Variants in STK32B observed in about 807,000 individuals in gnomAD.
The protein encoded by STK32B is serine/threonine kinase 32B.
In STK32B, 43 loss-of-function variants were observed where a neutral mutation model predicts 52.6. That is an observed-to-expected ratio of 0.82 (90% CI 0.64 to 1.05). The LOEUF (loss-of-function observed/expected upper bound fraction) is 1.05. Ranked by LOEUF, STK32B falls within the 50% of genes least tolerant of loss-of-function variation. STK32B has a pLI of 0.00. For missense variants in STK32B, 621 were observed against 534.6 expected (o/e 1.16, Z -1.59); for synonymous variants, 238 against 204.3 (o/e 1.17, Z -1.41).
At chr4:5,347,905 C>A (rs1733573546) in intron 4 of STK32B, among the ~76,000 whole-genome samples, 1 of 152,134 alleles carries the variant, frequency 6.6e-6, no homozygotes, top group Non-Finnish European at 1.5e-5. Context: ...TCAATTAAGC[C>A]TCTTTTCTTA....
chr4:5,180,794 G>T (rs1302188521), intron 3 of STK32B, among the ~76,000 whole-genome samples: 1 of 152,168 alleles, frequency 6.6e-6, no homozygotes, highest in Non-Finnish European at 1.5e-5. Flanking sequence ...ACTGGTAGAG[G>T]CAAAGGCCTG....
intron 3 of STK32B, among the ~76,000 whole-genome samples, chr4:5,216,200 A>G (rs1367057464): frequency 2.0e-5 from 3 of 152,150 alleles, no homozygotes; most frequent in African/African-American, 7.2e-5. Context: ...GTTTGGAACT[A>G]GCGGACTTGC....
chr4:5,361,349 T>C (rs1160677860), intron 4 of STK32B, among the ~76,000 whole-genome samples: 1 of 152,234 alleles, frequency 6.6e-6, no homozygotes, highest in Non-Finnish European at 1.5e-5. Flanking sequence ...GTGGAATTGC[T>C]GGATCATATA....
At chr4:5,484,573 A>G (rs1186637457) in intron 11 of STK32B, among the ~76,000 whole-genome samples, 1 of 152,130 alleles carries the variant, frequency 6.6e-6, no homozygotes, top group Non-Finnish European at 1.5e-5. Flanking sequence ...TAATTGGAGC[A>G]TTTAGCCCAT....
intron 3 of STK32B, among the ~76,000 whole-genome samples, chr4:5,319,252 C>T (rs1731324854): frequency 6.6e-6 from 1 of 152,140 alleles, no homozygotes; most frequent in East Asian, 1.9e-4. Context: ...GGGCCCAGAA[C>T]CTAGGACTTT....
At chr4:5,041,749 AG>A in the STK32B span, among the ~76,000 whole-genome samples, 2 of 152,106 alleles carry the variant, frequency 1.3e-5, no homozygotes, top group Non-Finnish European at 2.9e-5. Flanking sequence ...TTTCAACAAC[AG>A]AACTGGATGT....
chr4:5,213,979 A>T (rs1349066975), intron 3 of STK32B, among the ~76,000 whole-genome samples: 1 of 152,202 alleles, frequency 6.6e-6, no homozygotes, highest in African/African-American at 2.4e-5. Flanking sequence ...AACAGTTTGA[A>T]GCTTGGCTTT....
In STK32B at chr4:5,467,985, C is replaced by G; in HGVS notation, c.1042-21C>G. The G allele has an allele frequency of 6.2e-7, 1 of 1,613,946 alleles. No individual in the cohort carries two copies. Among genetic ancestry groups the G allele is most frequent in the Non-Finnish European group, 8.5e-7 (1 of 1,179,860 alleles). On this transcript the variant is annotated intron_variant, in intron 10 of 11. Coordinates refer to ENST00000282908, the MANE Select transcript of STK32B (RefSeq NM_018401.3). This position sits in a 1 kb window ranked among gnomAD's most constrained non-coding sequence, Gnocchi z 5.8. ...CGGACCGTGCTTTGTCATTTAGTCA[C>G]CCCTCTGTGCTCTTTGACAGAATGG...
intron 3 of STK32B, among the ~76,000 whole-genome samples, chr4:5,218,514 A>G (rs1231350645): frequency 6.6e-6 from 1 of 152,220 alleles, no homozygotes. Flanking sequence ...TCCTGTAGTC[A>G]GGACTATAGC....
chr4:5,409,965 T>C (rs1433577188), intron 5 of STK32B, among the ~76,000 whole-genome samples: 1 of 152,150 alleles, frequency 6.6e-6, no homozygotes, highest in Non-Finnish European at 1.5e-5. Context: ...CAAAAGAAGC[T>C]TGGATAAGCT....
upstream of STK32B, among the ~76,000 whole-genome samples, chr4:5,049,766 T>A (rs556996167): frequency 1.3e-5 from 2 of 152,076 alleles, no homozygotes; most frequent in Non-Finnish European, 2.9e-5. Flanking sequence ...TTTGTTTTTT[T>A]AGTACAGATG....
chr4:5,490,617 C>T (rs957969383), intron 11 of STK32B, among the ~76,000 whole-genome samples: 9 of 151,696 alleles, frequency 5.9e-5, no homozygotes, highest in African/African-American at 1.7e-4. Flanking sequence ...GGTACATGTG[C>T]ACAAAGTGCA....
At position 5,122,576 on chromosome 4, in the gene STK32B, TTCAC is replaced by T. The variant is rs1560162710; in HGVS notation, c.53-17321_53-17318del. Among the ~76,000 whole-genome samples, 5 of 152,082 alleles carry T rather than the reference TTCAC, an allele frequency of 3.3e-5. No homozygotes were observed. In the South Asian group the frequency reaches 8.3e-4, roughly 25 times the overall value. On this transcript the variant is annotated intron_variant, in intron 1 of 11. Coordinates refer to ENST00000282908, the MANE Select transcript of STK32B (RefSeq NM_018401.3). ...ACTCATTCACTCACTCACTTGCTCATTCACTCACTCATTCACCCACCCACTCACT... is the reference window on the plus strand; with the variant it reads ...ACTCATTCACTCACTCACTTGCTCATTCACTCATTCACCCACCCACTCACT...
At chr4:5,159,600 T>TATATATGA (rs756759764) in intron 2 of STK32B, among the ~76,000 whole-genome samples, 13 of 92,670 alleles carry the variant, frequency 1.4e-4, no homozygotes, top group African/African-American at 8.6e-4. Context: ...TATATATGAA[T>TATATATGA]ATATATATGA....
intron 6 of STK32B, among the ~76,000 whole-genome samples, chr4:5,436,859 C>T (rs550782319): frequency 2.0e-5 from 3 of 152,244 alleles, no homozygotes; most frequent in Non-Finnish European, 2.9e-5. Context: ...GTGGAGAACA[C>T]GATGAGTTTC....
At chr4:5,165,574 T>C (rs1484181654) in intron 2 of STK32B, among the ~76,000 whole-genome samples, 1 of 152,170 alleles carries the variant, frequency 6.6e-6, no homozygotes, top group Non-Finnish European at 1.5e-5. Context: ...TGCTGTCTCT[T>C]CTGAGAAGGC....
chr4:5,122,622 G>A (rs1310014387), intron 1 of STK32B, among the ~76,000 whole-genome samples: 1 of 149,284 alleles, frequency 6.7e-6, no homozygotes, highest in Non-Finnish European at 1.5e-5. Flanking sequence ...TTCATTCCCT[G>A]ACTCATTCAC....
chr4:5,154,821 C>T (rs1484475161), intron 2 of STK32B, among the ~76,000 whole-genome samples: 1 of 152,168 alleles, frequency 6.6e-6, no homozygotes, highest in East Asian at 1.9e-4. Context: ...TAAGTGCTGG[C>T]TTAGTGAGTG....
chr4:5,456,175 C>T (rs1716492223), intron 7 of STK32B, among the ~76,000 whole-genome samples: 2 of 152,326 alleles, frequency 1.3e-5, no homozygotes, highest in South Asian at 2.1e-4. Context: ...AGAAACTGCA[C>T]ATGGCAATGT....
Sources: allele counts gnomAD v4.1 joint callset (sites outside exome capture counted in the v4.1 genomes callset), GRCh38; gene constraint gnomAD v4.1.1; non-coding constraint Gnocchi (gnomAD v3.1); transcripts MANE v1.5; gene names NCBI Gene and HGNC (gene_info 2026-07-23, HGNC 2026-07-21).